Variants in ATRX observed in about 807,000 individuals in gnomAD.
ATRX encodes ATRX chromatin remodeler, also known as chromatin remodeler ATRX.
A neutral mutation model predicts 172.6 loss-of-function variants in ATRX; 12 were observed. That is an observed-to-expected ratio of 0.07 (90% CI 0.04 to 0.11). The LOEUF (loss-of-function observed/expected upper bound fraction) is 0.11. ATRX is among the 10% of genes least tolerant of loss of function. The pLI, the probability that ATRX is intolerant of heterozygous loss-of-function variation, is 1.00. For synonymous variants in ATRX, 674 were observed against 594.7 expected (o/e 1.13, Z -1.94); for missense variants, 1,368 against 1,767.4 (o/e 0.77, Z 4.05).
At chrX:77,732,229 C>A (rs2074327547) in intron 1 of ATRX, among the ~76,000 whole-genome samples, 1 of 111,615 alleles carries the variant, frequency 9.0e-6, no homozygotes, top group Non-Finnish European at 1.9e-5. Context: ...GGGCTTGCTG[C>A]TGTGTCAGTG....
At chrX:77,648,603 AT>A (rs1298116735) in intron 15 of ATRX, among the ~76,000 whole-genome samples, 1 of 100,324 alleles carries the variant, frequency 1.0e-5, no homozygotes, top group East Asian at 3.1e-4. Context: ...TAGAAAAAAA[AT>A]TAATGAAATC....
At chrX:77,775,929 A>C (rs1174312731) in intron 1 of ATRX, among the ~76,000 whole-genome samples, 2 of 110,316 alleles carry the variant, frequency 1.8e-5, no homozygotes, top group Non-Finnish European at 3.8e-5. Context: ...ACGGGGTTTC[A>C]CCATGTTGGC....
At chrX:77,702,347 G>A (rs2072577320) in intron 2 of ATRX, among the ~76,000 whole-genome samples, 2 of 111,904 alleles carry the variant, frequency 1.8e-5, no homozygotes, top group African/African-American at 3.2e-5. Context: ...GTAAGCCGAG[G>A]CAAGAGAATT....
At chrX:77,514,923 A>G (rs1400605124) in intron 34 of ATRX, among the ~76,000 whole-genome samples, 1 of 112,258 alleles carries the variant, frequency 8.9e-6, no homozygotes, top group Non-Finnish European at 1.9e-5. Context: ...GAAGAAAATA[A>G]CAACCCCATT....
rs145088621 is a variant in ATRX, at chrX:77,637,895, G to A, written c.4558-1839C>T. On this transcript the variant is annotated intron_variant, in intron 15 of 34. Coordinates refer to ENST00000373344, the MANE Select transcript of ATRX (RefSeq NM_000489.6). ...GCGGAGGTTGCAATGAGCCGAGATC[G>A]TGCCACTTCATTCCAGCCTGGGTGA... 2.6e-3 allele frequency among the ~76,000 whole-genome samples: 238 copies of A among 91,255 alleles called. 2 individuals are homozygous for A. Among genetic ancestry groups the A allele is most frequent in the Non-Finnish European group, 4.2e-3 (199 of 47,700 alleles). 79.2% of individuals were successfully genotyped at this position (91,255 alleles called of 115,157 possible).
intron 10 of ATRX, among the ~76,000 whole-genome samples, chrX:77,667,089 A>C (rs1430386239): frequency 9.0e-6 from 1 of 110,774 alleles, no homozygotes; most frequent in Admixed American, 9.7e-5. Context: ...TAAAAAAAAA[A>C]AACTTCTAAA....
At chrX:77,643,172 G>A (rs192291679) in intron 15 of ATRX, among the ~76,000 whole-genome samples, 223 of 110,675 alleles carry the variant, frequency 2.0e-3, no homozygotes, top group Non-Finnish European at 3.6e-3. Context: ...TAACCTGTCT[G>A]AAGGATACTT....
intron 12 of ATRX, among the ~76,000 whole-genome samples, chrX:77,661,543 C>T (rs1297846523): frequency 1.7e-4 from 19 of 109,837 alleles, no homozygotes; most frequent in African/African-American, 2.7e-4. Flanking sequence ...TGCAAAAATG[C>T]GTTCCTATTC....
chrX:77,734,077 T>C (rs183200963), intron 1 of ATRX, among the ~76,000 whole-genome samples: 8 of 105,104 alleles, frequency 7.6e-5, no homozygotes, highest in Admixed American at 7.2e-4. Flanking sequence ...CGTGGTGGCA[T>C]GCACCTGTAA....
chrX:77,574,711 G>C (rs782081142), intron 27 of ATRX, among the ~76,000 whole-genome samples: 34 of 111,382 alleles, frequency 3.1e-4, no homozygotes, highest in Non-Finnish European at 5.7e-4. Flanking sequence ...TCTGTAAATG[G>C]CCACGTTTTT....
At chrX:77,738,830 T>C (rs1431845649) in intron 1 of ATRX, among the ~76,000 whole-genome samples, 1 of 110,995 alleles carries the variant, frequency 9.0e-6, no homozygotes. Context: ...CCCAAGGTGC[T>C]GGGATTACAG....
intron 1 of ATRX, among the ~76,000 whole-genome samples, chrX:77,721,163 G>A (rs782175610): frequency 8.1e-5 from 9 of 111,251 alleles, no homozygotes; most frequent in South Asian, 7.6e-4. Flanking sequence ...ACTGGGTACC[G>A]ATGAAACGTA....
Position 77,682,946 on chromosome X carries a change from C to G in ATRX, c.2310G>C (p.Gln770His), listed in dbSNP as rs782715802. ...NHKTLYDLKT[Q>H]AGKDDKGKRK... ...TTTTTCCTTTATCATCTTTCCCCGC[C>G]TGAGTCTTTAAATCATACAAAGTCT... The change falls in exon 9 of 35, where the codon CAG (glutamine) becomes CAC (histidine). Residue 770 changes from glutamine (Q) to histidine (H), a missense_variant. Physicochemically the swap from Gln to His is conservative, Grantham distance 24. Transcript: ENST00000373344. The G allele has an allele frequency of 2.5e-6, 3 of 1,210,507 alleles. No individual in the cohort carries two copies. The highest frequency in any genetic ancestry group is 5.9e-5 in the East Asian group (2 of 33,825).
chrX:77,688,099 G>A (rs1557145046), intron 7 of ATRX, among the ~76,000 whole-genome samples: 2 of 110,295 alleles, frequency 1.8e-5, no homozygotes, highest in Admixed American at 9.7e-5. Flanking sequence ...CACCATGCCC[G>A]GCTAATTTTT....
intron 34 of ATRX, among the ~76,000 whole-genome samples, chrX:77,512,401 G>A (rs1024664941): frequency 8.9e-6 from 1 of 112,134 alleles, no homozygotes; most frequent in Non-Finnish European, 1.9e-5. Flanking sequence ...GTTACATGAA[G>A]GTATAAAACT....
chrX:77,577,967 C>T (rs1229102629), intron 27 of ATRX, among the ~76,000 whole-genome samples: 1 of 111,771 alleles, frequency 8.9e-6, no homozygotes, highest in Non-Finnish European at 1.9e-5. Flanking sequence ...AATCTTGAAT[C>T]GCCAATGCCA....
intron 28 of ATRX, among the ~76,000 whole-genome samples, chrX:77,572,447 A>G (rs2065450763): frequency 9.0e-6 from 1 of 111,666 alleles, no homozygotes; most frequent in African/African-American, 3.2e-5. Context: ...CAACCAGTAT[A>G]TGCCTGAAGC....
chrX:77,693,015 T>A (rs1177944344), intron 6 of ATRX, among the ~76,000 whole-genome samples: 1 of 110,781 alleles, frequency 9.0e-6, no homozygotes, highest in Non-Finnish European at 1.9e-5. Context: ...GCCTCCAGAA[T>A]AGCTAGGACT....
intron 10 of ATRX, among the ~76,000 whole-genome samples, chrX:77,666,705 C>T (rs946502659): frequency 2.7e-5 from 3 of 111,569 alleles, no homozygotes; most frequent in Non-Finnish European, 5.6e-5. Flanking sequence ...ACTAAAAGTA[C>T]GAAAATTAGC....
Sources: gnomAD v4.1 joint callset for allele counts (sites outside exome capture counted in the v4.1 genomes callset) on GRCh38, gnomAD v4.1.1 for gene constraint, MANE v1.5 for transcripts, NCBI Gene and HGNC (gene_info 2026-07-23, HGNC 2026-07-21) for gene names.